HSPG2: variants seen among roughly 807,000 people sequenced by gnomAD.
HSPG2 encodes the protein basement membrane-specific heparan sulfate proteoglycan core protein.
In HSPG2, 278 loss-of-function variants were observed where a neutral mutation model predicts 526.6. The ratio of observed to expected loss-of-function variants is 0.53; its 90% CI spans 0.48 to 0.58. HSPG2 has a LOEUF of 0.58. Among genes scored for constraint, HSPG2 ranks in the 20% least tolerant of loss-of-function variants. The pLI, the probability that HSPG2 is intolerant of heterozygous loss-of-function variation, is 0.00. For synonymous variants in HSPG2, 2,465 were observed against 2,555.4 expected (o/e 0.96, Z 1.07); for missense variants, 5,354 against 6,099.5 (o/e 0.88, Z 4.07).
At chr1:21,863,702 CAA>C (rs35149912) in intron 37 of HSPG2, among the ~76,000 whole-genome samples, 32 of 122,164 alleles carry the variant, frequency 2.6e-4, no homozygotes, top group Admixed American at 4.0e-4. Flanking sequence ...GACCCTGTCT[CAA>C]AAAAAAAAAA....
chr1:21,837,073 A>G, intron 74 of HSPG2, 67 bp from the exon 75 acceptor site: 1 of 1,382,420 alleles, frequency 7.2e-7, no homozygotes, highest in South Asian at 1.2e-5. Context: ...CCCTCCAGGG[A>G]CCCAGGAAAC....
chr1:21,854,518 A>G, intron 49 of HSPG2, 93 bp downstream of exon 49: 1 of 1,460,582 alleles, frequency 6.8e-7, no homozygotes, highest in Non-Finnish European at 9.2e-7. Context: ...CGTGTGGGGC[A>G]GTGTGCCGCC....
rs1190360220 is a variant in HSPG2, at chr1:21,859,169, C to G, written c.5293+397G>C. Among the ~76,000 whole-genome samples, 2 of 152,060 alleles carry G rather than the reference C, an allele frequency of 1.3e-5. No homozygotes were observed. The highest frequency in any genetic ancestry group is 1.3e-4 in the Admixed American group (2 of 15,272). ...TTCAAGCAATTCTCCTGCCTCAGTT[C>G]TCCCGAGTAGCTGGGATTATAGGTG... On this transcript the variant is annotated intron_variant, in intron 42 of 96. Transcript: ENST00000374695. This position sits in a 1 kb window ranked among gnomAD's most constrained non-coding sequence, Gnocchi z 5.3.
chr1:21,933,805 G>A (rs979067740), intron 1 of HSPG2, among the ~76,000 whole-genome samples: 9 of 152,246 alleles, frequency 5.9e-5, no homozygotes, highest in African/African-American at 1.7e-4. Flanking sequence ...TCCTGTGCCG[G>A]CTGCAGGTAC....
intron 1 of HSPG2, among the ~76,000 whole-genome samples, chr1:21,906,395 C>T (rs1187914633): frequency 6.6e-6 from 1 of 152,238 alleles, no homozygotes; most frequent in Non-Finnish European, 1.5e-5. Flanking sequence ...AAAAAACAGG[C>T]TGGAACAGCC....
chr1:21,855,461 C>T lies in HSPG2; in HGVS notation c.5855-15G>A. The T allele has an allele frequency of 6.2e-7, 1 of 1,612,930 alleles. No homozygotes were observed. The highest frequency in any genetic ancestry group is 1.1e-5 in the South Asian group (1 of 90,916). On this transcript the variant is annotated splice_polypyrimidine_tract_variant and intron_variant, in intron 46 of 96. Coordinates refer to ENST00000374695, the MANE Select transcript of HSPG2 (RefSeq NM_005529.7). ...CCCACCGCCCCCTGCAGACAGAGTC[C>T]TGTGAGAACACGCCCTGGGCTGAGC... is the stretch of plus-strand genomic sequence containing the variant.
In HSPG2 at chr1:21,911,430, C is replaced by T. The variant is rs530657362; in HGVS notation, c.64-15120G>A. 2.6e-5 allele frequency among the ~76,000 whole-genome samples: 4 copies of T among 151,994 alleles called. No individual in the cohort carries two copies. In the East Asian group the frequency reaches 7.7e-4, roughly 29 times the overall value. Reference sequence around the variant, plus strand: ...CCTTCCCTGCTGACAGCTGCTGAGGCCTCAGGGCCAAGGGCCCCAGAGCAG... The same window carrying T: ...CCTTCCCTGCTGACAGCTGCTGAGGTCTCAGGGCCAAGGGCCCCAGAGCAG... On this transcript the variant is annotated intron_variant, in intron 1 of 96. Transcript: ENST00000374695.
chr1:21,865,919 C>T lies in HSPG2; in HGVS notation c.4222-110G>A, dbSNP rs1464584012. On this transcript the variant is annotated intron_variant, in intron 33 of 96. Transcript: ENST00000374695. The surrounding 1 kb of genome is among the most constrained non-coding windows in gnomAD (Gnocchi z 5.4). Reference sequence around the variant, plus strand: ...GGCCTTTTTGCACCTGTGCCACACTCCCCCACCCCCCTCCCTGCCCAAACC... The same window carrying T: ...GGCCTTTTTGCACCTGTGCCACACTTCCCCACCCCCCTCCCTGCCCAAACC... 2.0e-5 allele frequency: 16 copies of T among 791,502 alleles called. No homozygotes were observed. Among genetic ancestry groups the T allele is most frequent in the Non-Finnish European group, 2.9e-5 (13 of 455,486 alleles). 49.0% of individuals were successfully genotyped at this position (791,502 alleles called of 1,614,324 possible).
At chr1:21,860,264 T>G in intron 39 of HSPG2, 29 bp from the exon 40 acceptor site, 1 of 1,605,366 alleles carries the variant, frequency 6.2e-7, no homozygotes, top group Non-Finnish European at 8.5e-7. Context: ...GCCGGCAATG[T>G]CAGGCCTCAA....
intron 39 of HSPG2, among the ~76,000 whole-genome samples, chr1:21,861,529 C>T (rs927628868): frequency 1.3e-5 from 2 of 151,884 alleles, no homozygotes; most frequent in African/African-American, 4.8e-5. Context: ...AAGTTAAGCC[C>T]AGCTAAAGTA....
chr1:21,855,328 C>T lies in HSPG2; in HGVS notation c.5973G>A (p.Lys1991=), dbSNP rs1346781128. The T allele has an allele frequency of 1.9e-6, 3 of 1,607,728 alleles. No individual in the cohort carries two copies. The South Asian group carries it at 3.3e-5, about 18-fold the overall frequency. ...GVPSATITWR[K]EGGSLPPQAR... ...CCTGTGGTGGGAGGCTGCCCCCTTCCTTCCTCCAGGTGATGGTGGCGCTAG... is the reference window on the plus strand; with the variant it reads ...CCTGTGGTGGGAGGCTGCCCCCTTCTTTCCTCCAGGTGATGGTGGCGCTAG... The change falls in exon 47 of 97, where the codon AAG becomes AAA. Residue 1991 remains lysine, a synonymous_variant. Transcript: ENST00000374695.
rs55728940 is a variant in HSPG2 at position 21,879,262 on chromosome 1, C to A, written c.2344-141G>T. ...GCAGACAGGGGAGCATCAACTGCAA[C>A]CACTTATAGATGATGGGGAGCTCAT... On this transcript the variant is annotated intron_variant, in intron 17 of 96. Transcript: ENST00000374695. 0.068 allele frequency: 60,750 copies of A among 895,130 alleles called. 2,457 individuals are homozygous for A. Among genetic ancestry groups the A allele is most frequent in the South Asian group, 0.12 (8,052 of 65,510 alleles). 55.4% of individuals were successfully genotyped at this position (895,130 alleles called of 1,614,324 possible).
intron 91 of HSPG2, 26 bp downstream of exon 91, chr1:21,827,837 G>T: frequency 6.4e-7 from 1 of 1,567,460 alleles, no homozygotes; most frequent in East Asian, 2.3e-5. Flanking sequence ...GCTGAAGCTG[G>T]GGAGGAGGCC....
At chr1:21,873,123 C>T (rs1431123916) in intron 30 of HSPG2, 32 bp from the exon 31 acceptor site, 2 of 1,554,386 alleles carry the variant, frequency 1.3e-6, no homozygotes, top group East Asian at 4.5e-5. Context: ...GCTGGAGCCC[C>T]AAACCCGCCA....
At chr1:21,875,576 G>A in intron 25 of HSPG2, 53 bp downstream of exon 25, 5 of 1,381,648 alleles carry the variant, frequency 3.6e-6, no homozygotes, top group Non-Finnish European at 5.1e-6. Flanking sequence ...GCACCGCTTA[G>A]ATGGAGCCCC....
At chr1:21,844,400 T>C in intron 64 of HSPG2, 101 bp from the exon 65 acceptor site, 5 of 1,326,408 alleles carry the variant, frequency 3.8e-6, no homozygotes, top group South Asian at 1.4e-5. Context: ...ATTTGGGACA[T>C]GGCTTCTTTC....
At chr1:21,869,912 T>G (rs1307210480) in intron 33 of HSPG2, among the ~76,000 whole-genome samples, 2 of 152,058 alleles carry the variant, frequency 1.3e-5, no homozygotes, top group Non-Finnish European at 2.9e-5. Context: ...CTACAAAGGG[T>G]GCCCAGCAAG....
Position 21,890,575 on chromosome 1 carries a change from T to C in HSPG2, c.354+10A>G. 1 of 1,610,890 alleles carries C rather than the reference T, an allele frequency of 6.2e-7. No individual in the cohort carries two copies. Among genetic ancestry groups the C allele is most frequent in the Non-Finnish European group, 8.5e-7 (1 of 1,177,134 alleles). Reference sequence around the variant, plus strand: ...ACACCCGCGAGCTTCCCAAACCCCCTTCACCTCACCGTGTCTACCACAGCC... The same window carrying C: ...ACACCCGCGAGCTTCCCAAACCCCCCTCACCTCACCGTGTCTACCACAGCC... On this transcript the variant is annotated intron_variant, in intron 4 of 96. Transcript: ENST00000374695. This position sits in a 1 kb window ranked among gnomAD's most constrained non-coding sequence, Gnocchi z 4.1.
At chr1:21,909,644 A>G (rs1643558417) in intron 1 of HSPG2, among the ~76,000 whole-genome samples, 1 of 152,232 alleles carries the variant, frequency 6.6e-6, no homozygotes. Flanking sequence ...AGCCAGGGGC[A>G]GAGGCTACAG....
Sources: gnomAD v4.1 joint callset for allele counts (sites outside exome capture counted in the v4.1 genomes callset) on GRCh38, gnomAD v4.1.1 for gene constraint, Gnocchi (gnomAD v3.1) non-coding constraint, MANE v1.5 for transcripts, NCBI Gene and HGNC (gene_info 2026-07-23, HGNC 2026-07-21) for gene names.